The following MLLT1 variants were observed in gnomAD, a reference collection of about 807,000 sequenced individuals.
MLLT1 encodes the protein protein ENL.
A neutral mutation model predicts 55.1 loss-of-function variants in MLLT1; 11 were observed. That is an observed-to-expected ratio of 0.20 (90% confidence interval 0.13 to 0.33). MLLT1 has a LOEUF of 0.33. Ranked by LOEUF, MLLT1 falls within the 10% of genes least tolerant of loss-of-function variation. The pLI is 1.00. For missense variants in MLLT1, 536 were observed against 760.6 expected (o/e 0.70, Z 3.47); for synonymous variants, 323 against 320.1 (o/e 1.01, Z -0.10).
In MLLT1 at chr19:6,226,494, G is replaced by C. The variant is rs3787065; in HGVS notation, c.546+483C>G. On this transcript the variant is annotated intron_variant, in intron 5 of 11. Coordinates refer to ENST00000252674, the MANE Select transcript of MLLT1 (RefSeq NM_005934.4). This position sits in a 1 kb window ranked among gnomAD's most constrained non-coding sequence, Gnocchi z 6.3. ...CTGAAATTCAGCTGGCACCCACCTG[G>C]CTTCCCCTGCCCTTCCCCCACGAAA... Among the ~76,000 whole-genome samples the C allele has an allele frequency of 8.3e-3, 1,268 of 152,252 alleles. 62 individuals are homozygous for C. The East Asian group carries it at 0.13, about 16-fold the overall frequency.
chr19:6,224,242 C>T (rs2090932685), intron 5 of MLLT1, among the ~76,000 whole-genome samples: 3 of 152,258 alleles, frequency 2.0e-5, no homozygotes, highest in South Asian at 4.1e-4. Flanking sequence ...GGCTGTGAGG[C>T]CTCTGCCACC....
Position 6,210,524 on chromosome 19 carries a change from GA to G in MLLT1, c.*2517del, listed in dbSNP as rs2090756290. The G allele has an allele frequency of 4.6e-6, 1 of 217,470 alleles. No individual in the cohort carries two copies. The highest frequency in any genetic ancestry group is 5.8e-5 in the Admixed American group (1 of 17,180). The allele number at this position is 217,470 out of a possible 1,614,324, so 13.5% of individuals were successfully genotyped here. On this transcript the variant is annotated 3_prime_UTR_variant, in exon 12 of 12. Coordinates refer to ENST00000252674, the MANE Select transcript of MLLT1 (RefSeq NM_005934.4). The surrounding 1 kb of genome is among the most constrained non-coding windows in gnomAD (Gnocchi z 4.6). ...GATTCTCCTTATTCCTTTTATCCAG[GA>G]GTTGGTCTCGGGCCGATGAGTGTCC...
In MLLT1 at chr19:6,226,144, G is replaced by C. The variant is rs542806519; in HGVS notation, c.546+833C>G. Among the ~76,000 whole-genome samples, 3 of 152,336 alleles carry C rather than the reference G, an allele frequency of 2.0e-5. No individual in the cohort carries two copies. The highest frequency in any genetic ancestry group is 7.2e-5 in the African/African-American group (3 of 41,572). On this transcript the variant is annotated intron_variant, in intron 5 of 11. Coordinates refer to ENST00000252674, the MANE Select transcript of MLLT1 (RefSeq NM_005934.4). This position sits in a 1 kb window ranked among gnomAD's most constrained non-coding sequence, Gnocchi z 6.3. ...CTGCCTGTCCTGCCTGGGATGGCTG[G>C]GCCCACACGCAGGGCCTGGCAGACA...
chr19:6,223,258 G>A (rs1173931956), intron 5 of MLLT1, among the ~76,000 whole-genome samples: 1 of 152,210 alleles, frequency 6.6e-6, no homozygotes, highest in Non-Finnish European at 1.5e-5. Context: ...GCTTCGGGAA[G>A]CCAACTGCTG....
intron 3 of MLLT1, among the ~76,000 whole-genome samples, chr19:6,245,253 C>G (rs1212505225): frequency 1.4e-5 from 2 of 141,446 alleles, no homozygotes; most frequent in Non-Finnish European, 3.1e-5. Flanking sequence ...TCCTTTCTTT[C>G]TTTCTTTTTT....
At position 6,219,976 on chromosome 19, in the gene MLLT1, C is replaced by G. The variant is rs916084497; in HGVS notation, c.1111-1935G>C. ...AAGGTGGTGTGATCAGAAGGGCCAC[C>G]GGAGCACGCCCGGGGCTCAGAGGGA... On this transcript the variant is annotated intron_variant, in intron 6 of 11. Coordinates refer to ENST00000252674, the MANE Select transcript of MLLT1 (RefSeq NM_005934.4). This position sits in a 1 kb window ranked among gnomAD's most constrained non-coding sequence, Gnocchi z 4.5. 6.6e-6 allele frequency among the ~76,000 whole-genome samples: 1 copy of G among 152,234 alleles called. No individual in the cohort carries two copies. The highest frequency in any genetic ancestry group is 1.5e-5 in the Non-Finnish European group (1 of 68,032).
intron 3 of MLLT1, among the ~76,000 whole-genome samples, chr19:6,234,821 A>C (rs2091044578): frequency 6.6e-6 from 1 of 152,150 alleles, no homozygotes; most frequent in Non-Finnish European, 1.5e-5. Context: ...AGGGGGCGGG[A>C]GAATCTAGAA....
At chr19:6,217,550 A>C (rs1392988026) in intron 7 of MLLT1, among the ~76,000 whole-genome samples, 1 of 152,208 alleles carries the variant, frequency 6.6e-6, no homozygotes, top group Non-Finnish European at 1.5e-5. Context: ...CGGCAGCAGG[A>C]GACCCCGGCC....
At chr19:6,275,910 T>C (rs1416098128) in intron 1 of MLLT1, among the ~76,000 whole-genome samples, 1 of 152,072 alleles carries the variant, frequency 6.6e-6, no homozygotes, top group African/African-American at 2.4e-5. Context: ...CCCACAGACG[T>C]GTAGACAGTG....
chr19:6,244,103 C>G (rs959963918), intron 3 of MLLT1, among the ~76,000 whole-genome samples: 8 of 151,632 alleles, frequency 5.3e-5, no homozygotes, highest in African/African-American at 1.9e-4. Flanking sequence ...CCAACCGACC[C>G]TTTCTAACTG....
chr19:6,262,478 C>T lies in MLLT1; in HGVS notation c.194-168G>A, dbSNP rs779046951. Among the ~76,000 whole-genome samples the T allele has an allele frequency of 6.6e-6, 1 of 151,894 alleles. No individual in the cohort carries two copies. The highest frequency in any genetic ancestry group is 2.4e-5 in the African/African-American group (1 of 41,328). ...AAGCCCCCGACAGGATTGACTTCCA[C>T]GGCAAAGTTATCTTAGGAATAAAAC... On this transcript the variant is annotated intron_variant, in intron 2 of 11. Transcript: ENST00000252674. The surrounding 1 kb of genome is among the most constrained non-coding windows in gnomAD (Gnocchi z 4.4).
chr19:6,262,583 G>A lies in MLLT1; in HGVS notation c.194-273C>T, dbSNP rs972611056. On this transcript the variant is annotated intron_variant, in intron 2 of 11. Coordinates refer to ENST00000252674, the MANE Select transcript of MLLT1 (RefSeq NM_005934.4). This position sits in a 1 kb window ranked among gnomAD's most constrained non-coding sequence, Gnocchi z 4.4. ...TGAGAAGGAACGTTAGCCTGTCATCGGGATACTTGCTCCTGCAGAGGATGA... is the reference window on the plus strand; with the variant it reads ...TGAGAAGGAACGTTAGCCTGTCATCAGGATACTTGCTCCTGCAGAGGATGA... Among the ~76,000 whole-genome samples, 1 of 152,192 alleles carries A rather than the reference G, an allele frequency of 6.6e-6. No homozygotes were observed. The highest frequency in any genetic ancestry group is 2.4e-5 in the African/African-American group (1 of 41,454).
intron 3 of MLLT1, among the ~76,000 whole-genome samples, chr19:6,253,819 A>ATTTGCTG (rs2091237886): frequency 6.6e-6 from 1 of 152,134 alleles, no homozygotes; most frequent in East Asian, 1.9e-4. Flanking sequence ...GCAAACTAGA[A>ATTTGCTG]AAAGAAGGTG....
chr19:6,229,483 C>T lies in MLLT1; in HGVS notation c.420+1087G>A, dbSNP rs945021932. Among the ~76,000 whole-genome samples, 1 of 151,986 alleles carries T rather than the reference C, an allele frequency of 6.6e-6. No homozygotes were observed. The highest frequency in any genetic ancestry group is 1.5e-5 in the Non-Finnish European group (1 of 67,974). On this transcript the variant is annotated intron_variant, in intron 4 of 11. Coordinates refer to ENST00000252674, the MANE Select transcript of MLLT1 (RefSeq NM_005934.4). The surrounding 1 kb of genome is among the most constrained non-coding windows in gnomAD (Gnocchi z 5.2). ...CGGTGCCCCAAATCCACTCAGGAGG[C>T]GACCCACCCCACCCGCATACCCCAC...
At chr19:6,218,242 C>T (rs868201625) in intron 6 of MLLT1, among the ~76,000 whole-genome samples, 10 of 152,332 alleles carry the variant, frequency 6.6e-5, no homozygotes, top group Admixed American at 6.5e-5. Flanking sequence ...TATAGCCTCC[C>T]GTGCCAGCCC....
In MLLT1 at chr19:6,217,212, G is replaced by T. The variant is rs553735877; in HGVS notation, c.1199-699C>A. The stretch of plus-strand genomic sequence containing the variant: ...CCCCAGCCCCCTCGGCAACTGCACG[G>T]CTGAATTCCAGGCCAGACTCCCTCC... On this transcript the variant is annotated intron_variant, in intron 7 of 11. Transcript: ENST00000252674. Among the ~76,000 whole-genome samples the T allele has an allele frequency of 5.9e-5, 9 of 152,232 alleles. No homozygotes were observed. The South Asian group carries it at 1.9e-3, about 32-fold the overall frequency.
At chr19:6,238,536 T>C (rs574799381) in intron 3 of MLLT1, among the ~76,000 whole-genome samples, 4 of 152,346 alleles carry the variant, frequency 2.6e-5, no homozygotes, top group Admixed American at 2.0e-4. Context: ...CTTCTGTGTA[T>C]GCTTTTTACG....
chr19:6,251,687 G>T (rs996985609), intron 3 of MLLT1, among the ~76,000 whole-genome samples: 1 of 152,124 alleles, frequency 6.6e-6, no homozygotes, highest in African/African-American at 2.4e-5. Flanking sequence ...CACTTTGGGA[G>T]GCCAAGGCGG....
At chr19:6,225,274 A>T (rs1469683443) in intron 5 of MLLT1, among the ~76,000 whole-genome samples, 1 of 152,222 alleles carries the variant, frequency 6.6e-6, no homozygotes, top group Non-Finnish European at 1.5e-5. Flanking sequence ...ACTCACCAGC[A>T]GTCCCCCGGC....
Sources: allele counts gnomAD v4.1 joint callset (sites outside exome capture counted in the v4.1 genomes callset), GRCh38; gene constraint gnomAD v4.1.1; non-coding constraint Gnocchi (gnomAD v3.1); transcripts MANE v1.5; gene names NCBI Gene and HGNC (gene_info 2026-07-23, HGNC 2026-07-21).